The following JAK1 variants were observed in gnomAD, a reference collection of about 807,000 sequenced individuals.
The protein encoded by JAK1 is Janus kinase 1.
JAK1 carries 16 observed loss-of-function variants against 136.6 expected under a neutral mutation model. That is an observed-to-expected ratio of 0.12 (90% CI 0.08 to 0.18). JAK1 has a LOEUF of 0.18. Ranked by LOEUF, JAK1 falls within the 10% of genes least tolerant of loss-of-function variation. The probability of loss-of-function intolerance (pLI) is 1.00; values close to 1 mark genes in which losing one functional copy is unlikely to be tolerated. For synonymous variants in JAK1, 492 were observed against 519.5 expected, an observed-to-expected ratio of 0.95 and a Z score of 0.72; for missense variants, 859 against 1,450.1, an observed-to-expected ratio of 0.59 and a Z score of 6.62.
At chr1:64,846,521 TCTC>T (rs1557628515) in intron 14 of JAK1, 125 bp downstream of exon 14, 1 of 674,896 alleles carries the variant, frequency 1.5e-6, no homozygotes, top group South Asian at 1.7e-5. Flanking sequence ...AGTCCCTCAA[TCTC>T]CTCAACTGCA....
chr1:64,855,498 G>C lies in JAK1; in HGVS notation c.1648+11C>G. On this transcript the variant is annotated intron_variant, in intron 11 of 24. Transcript: ENST00000342505. ...TGGGATACAGCCTGGCTCTGGCACA[G>C]GGAGACGAACCTCGGGGCTTGGGCT... 2 of 1,613,010 alleles carry C rather than the reference G, an allele frequency of 1.2e-6. No homozygotes were observed. Among genetic ancestry groups the C allele is most frequent in the Non-Finnish European group, 1.7e-6 (2 of 1,179,386 alleles).
intron 1 of JAK1, among the ~76,000 whole-genome samples, chr1:64,907,223 T>A (rs1645204577): frequency 6.6e-6 from 1 of 152,178 alleles, no homozygotes; most frequent in African/African-American, 2.4e-5. Context: ...CATGGAGATG[T>A]ATGCATACGT....
chr1:64,966,119 C>T (rs1028141732), intron 1 of JAK1, among the ~76,000 whole-genome samples: 1 of 151,892 alleles, frequency 6.6e-6, no homozygotes, highest in African/African-American at 2.4e-5. Flanking sequence ...CGCCCGGCGA[C>T]CTCCTCGCCG....
At chr1:64,885,875 A>T (rs537156989) in intron 2 of JAK1, among the ~76,000 whole-genome samples, 1 of 152,392 alleles carries the variant, frequency 6.6e-6, no homozygotes, top group African/African-American at 2.4e-5. Context: ...GCTGCATATG[A>T]ATCAACACAG....
chr1:64,996,796 T>C (rs1259003913), intron 2 of JAK1, among the ~76,000 whole-genome samples: 1 of 152,184 alleles, frequency 6.6e-6, no homozygotes, highest in Non-Finnish European at 1.5e-5. Context: ...TTTTTAGACA[T>C]CAGCTCAAGC....
chr1:64,910,681 A>G (rs1415588683), intron 1 of JAK1, among the ~76,000 whole-genome samples: 3 of 152,128 alleles, frequency 2.0e-5, no homozygotes, highest in African/African-American at 7.2e-5. Flanking sequence ...TGAAAATACA[A>G]AAATTAGCCA....
intron 2 of JAK1, among the ~76,000 whole-genome samples, chr1:64,989,002 G>GTGTATGTATATATA (rs545656432): frequency 1.5e-5 from 2 of 129,238 alleles, no homozygotes; most frequent in African/African-American, 5.7e-5. Context: ...GTGTGTGTGT[G>GTGTATGTATATATA]TATATATATA....
intron 1 of JAK1, among the ~76,000 whole-genome samples, chr1:64,924,565 G>T (rs549904863): frequency 2.0e-5 from 3 of 152,292 alleles, no homozygotes; most frequent in African/African-American, 7.2e-5. Flanking sequence ...TCTTGTCTTT[G>T]TATGTCATGC....
At chr1:64,993,844 G>A (rs919033627) in intron 2 of JAK1, among the ~76,000 whole-genome samples, 7 of 151,964 alleles carry the variant, frequency 4.6e-5, no homozygotes, top group Non-Finnish European at 7.4e-5. Flanking sequence ...ATGGGGTTTC[G>A]CCATGTTGGC....
chr1:64,971,493 G>A (rs1001058900), upstream of JAK1, among the ~76,000 whole-genome samples: 1 of 151,794 alleles, frequency 6.6e-6, no homozygotes, highest in East Asian at 1.9e-4. Flanking sequence ...CTACAGGTGC[G>A]TGCCATCACA....
chr1:64,955,850 G>A (rs1369199975), intron 1 of JAK1, among the ~76,000 whole-genome samples: 1 of 152,234 alleles, frequency 6.6e-6, no homozygotes, highest in East Asian at 1.9e-4. Context: ...AAAGGGCCTA[G>A]GGAGGAGGTG....
chr1:65,028,268 C>T (rs185608877), intron 2 of JAK1, among the ~76,000 whole-genome samples: 184 of 152,164 alleles, frequency 1.2e-3, no homozygotes, highest in Non-Finnish European at 2.2e-3. Context: ...TATTCTCCTT[C>T]CCAGTGTTAT....
chr1:65,065,920 T>A (rs1375586338), intron 1 of JAK1, among the ~76,000 whole-genome samples: 2 of 147,926 alleles, frequency 1.4e-5, no homozygotes, highest in Admixed American at 1.3e-4. Flanking sequence ...ATTTGCTGGT[T>A]GGTGGGGGAC....
chr1:65,049,023 TG>T (rs557178131), intron 1 of JAK1, among the ~76,000 whole-genome samples: 57 of 152,330 alleles, frequency 3.7e-4, no homozygotes, highest in African/African-American at 1.3e-3. Context: ...TTTCTAGAAT[TG>T]GAAGTCCCTC....
chr1:65,039,103 C>T (rs571815871), intron 2 of JAK1, among the ~76,000 whole-genome samples: 1 of 152,342 alleles, frequency 6.6e-6, no homozygotes, highest in African/African-American at 2.4e-5. Context: ...AGCCAGTACA[C>T]ACACACATAC....
At chr1:64,925,303 G>A (rs1645565103) in intron 1 of JAK1, among the ~76,000 whole-genome samples, 1 of 151,864 alleles carries the variant, frequency 6.6e-6, no homozygotes, top group South Asian at 2.1e-4. Context: ...AGCTACTTAG[G>A]AGTCTGAGGC....
At chr1:64,860,018 C>T in intron 9 of JAK1, 87 bp downstream of exon 9, 5 of 1,176,308 alleles carry the variant, frequency 4.3e-6, no homozygotes, top group Non-Finnish European at 5.7e-6. Flanking sequence ...GGTCAACTGG[C>T]CTGACCTAAA....
At chr1:64,897,860 C>T (rs955430421) in intron 1 of JAK1, among the ~76,000 whole-genome samples, 1 of 151,958 alleles carries the variant, frequency 6.6e-6, no homozygotes. Flanking sequence ...GCATAGGACA[C>T]CTGAAATTCA....
chr1:64,850,696 TCTA>T, intron 12 of JAK1, 105 bp downstream of exon 12: 1 of 739,600 alleles, frequency 1.4e-6, no homozygotes, highest in Non-Finnish European at 2.4e-6. Flanking sequence ...CTGTTCTTTT[TCTA>T]CTAAGATTTC....
Sources: gnomAD v4.1 joint callset for allele counts (sites outside exome capture counted in the v4.1 genomes callset) on GRCh38, gnomAD v4.1.1 for gene constraint, MANE v1.5 for transcripts, NCBI Gene and HGNC (gene_info 2026-07-23, HGNC 2026-07-21) for gene names.